The following KLF8 variants were observed in gnomAD, a reference collection of about 807,000 sequenced individuals.
The protein encoded by KLF8 is Krueppel-like factor 8.
KLF8 carries 10 observed loss-of-function variants against 18.2 expected under a neutral mutation model. The ratio of observed to expected loss-of-function variants is 0.55; its 90% CI spans 0.34 to 0.93. The LOEUF is 0.93. Ranked by LOEUF, KLF8 falls within the 40% of genes least tolerant of loss-of-function variation. The probability of loss-of-function intolerance (pLI) is 0.02; values close to 1 mark genes in which losing one functional copy is unlikely to be tolerated. For synonymous variants in KLF8, 109 were observed against 97.3 expected, an observed-to-expected ratio of 1.12 and a Z score of -0.71; for missense variants, 264 against 277.9, an observed-to-expected ratio of 0.95 and a Z score of 0.36.
At chrX:56,156,544 A>G in the KLF8 span, among the ~76,000 whole-genome samples, 1 of 109,070 alleles carries the variant, frequency 9.2e-6, no homozygotes, top group Admixed American at 9.8e-5. Context: ...AGCTCCATCC[A>G]TTGCCCTTCA....
the KLF8 span, among the ~76,000 whole-genome samples, chrX:56,212,648 A>G: frequency 8.9e-6 from 1 of 112,269 alleles, no homozygotes; most frequent in East Asian, 2.8e-4. Context: ...CCCAATGCCC[A>G]GAGGCCACCA....
the KLF8 span, among the ~76,000 whole-genome samples, chrX:56,043,878 G>A: frequency 2.7e-5 from 3 of 112,378 alleles, no homozygotes; most frequent in African/African-American, 6.5e-5. Flanking sequence ...GAAGAGAAGA[G>A]GCACTCTGGT....
chrX:56,178,433 TGCCTGTTCACTCTGATGGTA>T, the KLF8 span, among the ~76,000 whole-genome samples: 1 of 112,281 alleles, frequency 8.9e-6, no homozygotes, highest in African/African-American at 3.2e-5. Context: ...TCCTGTAGGT[TGCCTGTTCACTCTGATGGTA>T]GTTTGTTTTG....
chrX:55,985,638 A>G, the KLF8 span, among the ~76,000 whole-genome samples: 1 of 59,369 alleles, frequency 1.7e-5, no homozygotes, highest in African/African-American at 4.4e-5. Context: ...GAATTTTAAA[A>G]GGTTTTTTTT....
At chrX:55,982,686 A>G in the KLF8 span, among the ~76,000 whole-genome samples, 1 of 111,924 alleles carries the variant, frequency 8.9e-6, no homozygotes, top group Admixed American at 9.6e-5. Flanking sequence ...CAACCATCAC[A>G]TTTGTAAAAT....
chrX:56,150,811 G>A, the KLF8 span, among the ~76,000 whole-genome samples: 1 of 111,545 alleles, frequency 9.0e-6, no homozygotes, highest in African/African-American at 3.3e-5. Flanking sequence ...CTTCCAAGAT[G>A]TTTTATCTAC....
chrX:56,247,107 T>G (rs1312109282), intron 1 of KLF8, among the ~76,000 whole-genome samples: 3 of 112,000 alleles, frequency 2.7e-5, no homozygotes, highest in South Asian at 7.4e-4. Context: ...TATCATAGAA[T>G]GTACTAACAT....
Position 56,243,013 on chromosome X carries a change from C to T in KLF8, c.8-7218C>T, listed in dbSNP as rs183430705. 8.0e-6 allele frequency: 4 copies of T among 499,712 alleles called. No individual in the cohort carries two copies. The East Asian group carries it at 1.6e-4, about 20-fold the overall frequency. The allele number at this position is 499,712 out of a possible 1,213,427, so 41.2% of individuals were successfully genotyped here. Reference sequence around the variant, plus strand: ...CAGTCGAACGTATGCCTTCTTCTCTCCATCAGGTCAAATCAGGGTGTTGAT... The same window carrying T: ...CAGTCGAACGTATGCCTTCTTCTCTTCATCAGGTCAAATCAGGGTGTTGAT... On this transcript the variant is annotated intron_variant, in intron 1 of 5. Transcript: ENST00000468660.
At chrX:55,981,988 G>A in the KLF8 span, among the ~76,000 whole-genome samples, 2 of 110,723 alleles carry the variant, frequency 1.8e-5, no homozygotes, top group Non-Finnish European at 3.8e-5. Flanking sequence ...TGTTATTTTG[G>A]TGGGACTTGG....
the KLF8 span, among the ~76,000 whole-genome samples, chrX:56,058,296 A>G: frequency 4.1e-5 from 3 of 72,969 alleles, no homozygotes; most frequent in Non-Finnish European, 5.3e-5. Flanking sequence ...ATATATATAT[A>G]TATATATATA....
At chrX:56,233,768 G>T (rs923713541) in intron 1 of KLF8, among the ~76,000 whole-genome samples, 1 of 112,132 alleles carries the variant, frequency 8.9e-6, no homozygotes, top group Non-Finnish European at 1.9e-5. Context: ...ACCTAGAGAA[G>T]CTTCTGAAAA....
At chrX:55,921,349 T>C in the KLF8 span, among the ~76,000 whole-genome samples, 1 of 111,976 alleles carries the variant, frequency 8.9e-6, no homozygotes, top group Non-Finnish European at 1.9e-5. Flanking sequence ...AAGATGGTTG[T>C]AGATGTGTGA....
chrX:56,266,311 C>T, intron 3 of KLF8: 8 of 752,273 alleles, frequency 1.1e-5, no homozygotes, highest in Non-Finnish European at 1.3e-5. Flanking sequence ...TTGTCATCTT[C>T]CCTGTGTTCT....
the KLF8 span, among the ~76,000 whole-genome samples, chrX:56,068,163 C>T: frequency 1.8e-5 from 2 of 112,071 alleles, no homozygotes; most frequent in Admixed American, 1.9e-4. Flanking sequence ...GCCAGAATGT[C>T]AATGCTTGCT....
At chrX:56,182,095 C>A in the KLF8 span, among the ~76,000 whole-genome samples, 2 of 111,905 alleles carry the variant, frequency 1.8e-5, no homozygotes, top group South Asian at 7.5e-4. Flanking sequence ...CTTTCAGGTA[C>A]ACCAGTCAGA....
At chrX:56,120,425 A>AAGGAAGAG in the KLF8 span, among the ~76,000 whole-genome samples, 1 of 112,165 alleles carries the variant, frequency 8.9e-6, no homozygotes, top group African/African-American at 3.2e-5. Flanking sequence ...GCTCTCCCTT[A>AAGGAAGAG]AGGAAGAGAC....
At chrX:56,271,497 T>C (rs1478940155) in intron 5 of KLF8, among the ~76,000 whole-genome samples, 1 of 111,061 alleles carries the variant, frequency 9.0e-6, no homozygotes, top group Admixed American at 9.6e-5. Flanking sequence ...CTTAGACACC[T>C]TGGACAAGGA....
chrX:56,215,411 A>G, the KLF8 span, among the ~76,000 whole-genome samples: 1 of 111,424 alleles, frequency 9.0e-6, no homozygotes, highest in Non-Finnish European at 1.9e-5. Context: ...GCCCAAGTCG[A>G]GGCTCAGAAA....
the KLF8 span, among the ~76,000 whole-genome samples, chrX:56,035,625 T>C: frequency 8.9e-6 from 1 of 112,188 alleles, no homozygotes; most frequent in Non-Finnish European, 1.9e-5. Flanking sequence ...TGCCAACATA[T>C]GTTATTTTTT....
Sources: gnomAD v4.1 joint callset for allele counts (sites outside exome capture counted in the v4.1 genomes callset) on GRCh38, gnomAD v4.1.1 for gene constraint, MANE v1.5 for transcripts, NCBI Gene and HGNC (gene_info 2026-07-23, HGNC 2026-07-21) for gene names.